Variants in GNG12 observed in about 807,000 individuals in gnomAD.
The protein encoded by GNG12 is guanine nucleotide-binding protein G(I)/G(S)/G(O) subunit gamma-12.
For synonymous variants in GNG12, 28 were observed against 29.7 expected (o/e 0.94, Z 0.19); for missense variants, 69 against 83.8 (o/e 0.82, Z 0.69).
intron 1 of GNG12, among the ~76,000 whole-genome samples, chr1:67,812,226 T>C (rs1646930111): frequency 6.6e-6 from 1 of 151,746 alleles, no homozygotes; most frequent in African/African-American, 2.4e-5. Context: ...TGCTGCAGCT[T>C]ATTGGAAAAA....
At chr1:67,708,178 T>G (rs1043174303) in intron 2 of GNG12, among the ~76,000 whole-genome samples, 2 of 152,246 alleles carry the variant, frequency 1.3e-5, no homozygotes, top group African/African-American at 4.8e-5. Context: ...GATCAAAGAC[T>G]TGGCAACAGA....
At chr1:67,727,540 A>C (rs1646393727) in intron 2 of GNG12, among the ~76,000 whole-genome samples, 1 of 152,228 alleles carries the variant, frequency 6.6e-6, no homozygotes, top group Non-Finnish European at 1.5e-5. Context: ...CGGCATTCGC[A>C]TGATCTCTGG....
intron 2 of GNG12, among the ~76,000 whole-genome samples, chr1:67,720,304 C>T (rs979432724): frequency 3.9e-5 from 6 of 152,196 alleles, no homozygotes; most frequent in African/African-American, 1.2e-4. Flanking sequence ...GAGTAGCCCT[C>T]GGATGGGGAC....
chr1:67,787,221 G>T (rs978535086), intron 1 of GNG12, among the ~76,000 whole-genome samples: 2 of 151,856 alleles, frequency 1.3e-5, no homozygotes, highest in Non-Finnish European at 2.9e-5. Context: ...GATCATAGAA[G>T]GCTTCCAGGA....
At chr1:67,736,742 T>A (rs1646454760) in intron 2 of GNG12, among the ~76,000 whole-genome samples, 1 of 152,186 alleles carries the variant, frequency 6.6e-6, no homozygotes, top group African/African-American at 2.4e-5. Flanking sequence ...AGATAGGGAC[T>A]GAGTTGGGGG....
chr1:67,811,312 T>C (rs1370773676), intron 1 of GNG12, among the ~76,000 whole-genome samples: 6 of 152,184 alleles, frequency 3.9e-5, no homozygotes, highest in Admixed American at 1.3e-4. Flanking sequence ...CCTGGTTCCC[T>C]GCAGCCATCC....
chr1:67,806,754 C>A (rs1276737815), intron 1 of GNG12, among the ~76,000 whole-genome samples: 3 of 151,988 alleles, frequency 2.0e-5, no homozygotes, highest in Non-Finnish European at 4.4e-5. Flanking sequence ...CATGTATGCA[C>A]CTAAGAACAG....
chr1:67,831,986 C>T (rs1397134221), intron 1 of GNG12, among the ~76,000 whole-genome samples: 1 of 152,144 alleles, frequency 6.6e-6, no homozygotes, highest in East Asian at 1.9e-4. Context: ...AAAAACAAAG[C>T]CAAACTCCGC....
chr1:67,739,407 T>A (rs559661894), intron 2 of GNG12, among the ~76,000 whole-genome samples: 2 of 152,194 alleles, frequency 1.3e-5, no homozygotes, highest in South Asian at 4.1e-4. Context: ...ACCGGTATGA[T>A]CTTCACTCAA....
chr1:67,785,109 T>C (rs868036749), intron 1 of GNG12, among the ~76,000 whole-genome samples: 5 of 73,238 alleles, frequency 6.8e-5, no homozygotes, highest in Middle Eastern at 5.1e-3. Context: ...GAGAAGTATT[T>C]TGTGCAAAAT....
chr1:67,712,974 C>T (rs1316189720), intron 2 of GNG12, among the ~76,000 whole-genome samples: 1 of 152,150 alleles, frequency 6.6e-6, no homozygotes, highest in Non-Finnish European at 1.5e-5. Context: ...GGTGATCCGC[C>T]TGCCTTGGCC....
chr1:67,705,613 A>C (rs1473128260), intron 3 of GNG12, 37 bp from the exon 4 acceptor site: 1 of 1,589,130 alleles, frequency 6.3e-7, no homozygotes, highest in Non-Finnish European at 8.5e-7. Context: ...AAGAAAGAAA[A>C]TATTTTACTT....
chr1:67,795,592 A>G (rs1646826905), intron 1 of GNG12, among the ~76,000 whole-genome samples: 1 of 152,208 alleles, frequency 6.6e-6, no homozygotes, highest in African/African-American at 2.4e-5. Context: ...TATCACTTCA[A>G]AAACCTTGGC....
At chr1:67,770,144 T>C (rs1417633702) in intron 2 of GNG12, among the ~76,000 whole-genome samples, 1 of 152,118 alleles carries the variant, frequency 6.6e-6, no homozygotes, top group Non-Finnish European at 1.5e-5. Context: ...ATCTGATCAT[T>C]ATGCAGAAAT....
chr1:67,749,881 A>C (rs1396271569), intron 2 of GNG12, among the ~76,000 whole-genome samples: 1 of 152,204 alleles, frequency 6.6e-6, no homozygotes, highest in Non-Finnish European at 1.5e-5. Flanking sequence ...AAATAAGGTA[A>C]GGACTCTGCC....
intron 2 of GNG12, among the ~76,000 whole-genome samples, chr1:67,730,000 G>A (rs1283837750): frequency 6.6e-6 from 1 of 152,166 alleles, no homozygotes; most frequent in Non-Finnish European, 1.5e-5. Flanking sequence ...ACAGAAATGT[G>A]TACCTATTTT....
intron 2 of GNG12, among the ~76,000 whole-genome samples, chr1:67,712,103 C>A (rs1050702445): frequency 6.6e-6 from 1 of 152,218 alleles, no homozygotes; most frequent in East Asian, 1.9e-4. Context: ...CTGTGCACAA[C>A]AAGATAGAAA....
intron 2 of GNG12, among the ~76,000 whole-genome samples, chr1:67,717,126 CCT>C (rs1250876142): frequency 1.3e-5 from 2 of 152,150 alleles, no homozygotes; most frequent in Non-Finnish European, 2.9e-5. Context: ...TGATATAGGT[CCT>C]CTGAAGAAAT....
chr1:67,716,804 T>C (rs962935557), intron 2 of GNG12, among the ~76,000 whole-genome samples: 33 of 152,218 alleles, frequency 2.2e-4, no homozygotes, highest in Admixed American at 2.0e-3. Context: ...GCAAGTGGCT[T>C]TGACAGAAGA....
Sources: gnomAD v4.1 joint callset for allele counts (sites outside exome capture counted in the v4.1 genomes callset) on GRCh38, gnomAD v4.1.1 for gene constraint, MANE v1.5 for transcripts, NCBI Gene and HGNC (gene_info 2026-07-23, HGNC 2026-07-21) for gene names.